The following SYNE2 variants were observed in gnomAD, a reference collection of about 807,000 sequenced individuals.
SYNE2 encodes spectrin repeat containing nuclear envelope protein 2.
A neutral mutation model predicts 856.3 loss-of-function variants in SYNE2; 431 were observed. That is an observed-to-expected ratio of 0.50 (90% CI 0.47 to 0.55). The LOEUF (loss-of-function observed/expected upper bound fraction) is 0.55. Among genes scored for constraint, SYNE2 ranks in the 20% least tolerant of loss-of-function variants. SYNE2 has a pLI of 0.00. For missense variants in SYNE2, 8,129 were observed against 8,023.2 expected (o/e 1.01, Z -0.50); for synonymous variants, 2,923 against 2,872.3 (o/e 1.02, Z -0.56).
chr14:63,961,378 T>C, intron 8 of SYNE2, 147 bp from the exon 9 acceptor site: 1 of 703,826 alleles, frequency 1.4e-6, no homozygotes, highest in South Asian at 1.5e-5. Context: ...CAAGGCTGAG[T>C]AAACAGAGAT....
chr14:64,088,952 T>C (rs1352237039), intron 58 of SYNE2, among the ~76,000 whole-genome samples: 2 of 152,242 alleles, frequency 1.3e-5, no homozygotes, highest in South Asian at 2.1e-4. Context: ...TATAATTCTA[T>C]ATACCTTCTT....
chr14:64,128,561 A>G lies in SYNE2; in HGVS notation c.14019+8A>G. The G allele has an allele frequency of 6.4e-7, 1 of 1,552,450 alleles. No individual in the cohort carries two copies. The highest frequency in any genetic ancestry group is 8.9e-7 in the Non-Finnish European group (1 of 1,123,932). Reference sequence around the variant, plus strand: ...GTTGCTGAACAGCTTCAGGTAATCAAGTCAAAATAATTCAGACTGACTTAA... The same window carrying G: ...GTTGCTGAACAGCTTCAGGTAATCAGGTCAAAATAATTCAGACTGACTTAA... On this transcript the variant is annotated splice_region_variant and intron_variant, in intron 74 of 115. Transcript: ENST00000555002.
intron 66 of SYNE2, among the ~76,000 whole-genome samples, chr14:64,117,896 G>T (rs951828854): frequency 3.9e-5 from 6 of 152,180 alleles, no homozygotes; most frequent in African/African-American, 1.4e-4. Context: ...GAGCAGGATG[G>T]TGTGCAATTT....
Position 64,053,422 on chromosome 14 carries a change from C to A in SYNE2, c.9509C>A (p.Ser3170Tyr), listed in dbSNP as rs2097242371. ...TTACATGTTTTAAATCAGATAAAAT[C>A]TCAATTACAGCAGCCATTACTTATA... ...TSLHVLNQIKSQLQQPLLINL... is the reference protein window; with the variant it reads ...TSLHVLNQIKYQLQQPLLINL... Residue 3170 changes from serine (S) to tyrosine (Y), a missense_variant, in exon 48 of 116, where the codon TCT (serine) becomes TAT (tyrosine). Ser to Tyr is a moderately radical substitution (Grantham distance 144, BLOSUM62 -2). Around this residue, in one of 3 missense-constraint regions of SYNE2, gnomAD observed 5,410 missense variants for 5,284.8 expected, o/e 1.02. Transcript: ENST00000555002. The A allele has an allele frequency of 6.8e-6, 11 of 1,612,872 alleles. No homozygotes were observed. Among genetic ancestry groups the A allele is most frequent in the Non-Finnish European group, 9.3e-6 (11 of 1,179,794 alleles).
rs143578863 is a variant in SYNE2, at chr14:64,017,617, A to G, written c.4910A>G (p.Tyr1637Cys). ...TAGATAAATGAGAAGACAGAAGATT[A>G]CTATGAAAATCTTGGTCGAGCTCTA... is the stretch of plus-strand genomic sequence containing the variant. ...WLDINEKTED[Y>C]YENLGRALAL... is the part of the protein sequence containing the mutation. Residue 1637 changes from tyrosine to cysteine, a missense_variant, in exon 34 of 116, where the codon TAC (tyrosine) becomes TGC (cysteine). Physicochemically the swap from Tyr to Cys is radical, Grantham distance 194. This residue lies in a region of SYNE2 where 2,422 missense variants were observed against 2,357.4 expected (regional missense o/e 1.03). Transcript: ENST00000555002. The G allele has an allele frequency of 3.3e-4, 530 of 1,612,528 alleles. 4 individuals are homozygous for G. In the Middle Eastern group the frequency reaches 0.011, roughly 33 times the overall value.
chr14:64,115,454 C>T (rs1216633697), intron 66 of SYNE2, among the ~76,000 whole-genome samples: 1 of 152,098 alleles, frequency 6.6e-6, no homozygotes, highest in African/African-American at 2.4e-5. Flanking sequence ...TGTCTCAGCA[C>T]AGTGGAGGGT....
chr14:64,134,999 CA>C (rs1159123972), intron 78 of SYNE2, among the ~76,000 whole-genome samples: 1 of 133,680 alleles, frequency 7.5e-6, no homozygotes, highest in Non-Finnish European at 1.5e-5. Flanking sequence ...AACAAAAAAA[CA>C]AAAACCCTCA....
chr14:63,958,414 A>T (rs1232758493), intron 8 of SYNE2, among the ~76,000 whole-genome samples: 1 of 152,168 alleles, frequency 6.6e-6, no homozygotes, highest in African/African-American at 2.4e-5. Flanking sequence ...ATTTTGTAGG[A>T]TGCCCCTTTA....
chr14:64,157,632 A>G (rs117782140), intron 85 of SYNE2, among the ~76,000 whole-genome samples: 3,010 of 152,202 alleles, frequency 0.02, 55 homozygotes, highest in Non-Finnish European at 0.032. Flanking sequence ...TGGCAACTCT[A>G]TTTAATTTTT....
intron 30 of SYNE2, among the ~76,000 whole-genome samples, chr14:64,004,971 G>A (rs546307763): frequency 2.6e-5 from 4 of 152,294 alleles, no homozygotes; most frequent in African/African-American, 9.6e-5. Flanking sequence ...TGAGAAGGTG[G>A]CCTTGGCATC....
intron 78 of SYNE2, among the ~76,000 whole-genome samples, chr14:64,137,424 T>C (rs1464286700): frequency 6.6e-6 from 1 of 152,134 alleles, no homozygotes; most frequent in African/African-American, 2.4e-5. Flanking sequence ...TAATTTTTTG[T>C]ATTTTTAGTA....
At chr14:64,100,043 C>G (rs572164678) in intron 63 of SYNE2, 44 of 151,920 alleles carry the variant, frequency 2.9e-4, no homozygotes, top group African/African-American at 1.1e-3. Context: ...ATGTTTACTG[C>G]GGCATTATTC....
intron 1 of SYNE2, among the ~76,000 whole-genome samples, chr14:63,856,051 G>A (rs989535731): frequency 6.6e-6 from 1 of 152,128 alleles, no homozygotes; most frequent in Non-Finnish European, 1.5e-5. Context: ...AAGAAGATCC[G>A]GCCGAGAGAT....
At chr14:63,871,681 A>G (rs1369666869) in intron 1 of SYNE2, among the ~76,000 whole-genome samples, 9 of 148,954 alleles carry the variant, frequency 6.0e-5, no homozygotes, top group African/African-American at 2.2e-4. Flanking sequence ...TTTTGTAGAG[A>G]TGGGGTTTCG....
chr14:64,108,094 A>G (rs1221370762), intron 65 of SYNE2, among the ~76,000 whole-genome samples: 2 of 152,238 alleles, frequency 1.3e-5, no homozygotes, highest in African/African-American at 2.4e-5. Context: ...CAAGCCTATA[A>G]TCACAGCACT....
intron 1 of SYNE2, among the ~76,000 whole-genome samples, chr14:63,803,222 G>T (rs1031474928): frequency 1.3e-5 from 2 of 152,230 alleles, no homozygotes; most frequent in Non-Finnish European, 2.9e-5. Flanking sequence ...CCCCCACCGG[G>T]GCTGCAGGTG....
At chr14:63,995,515 C>T (rs1451964277) in intron 23 of SYNE2, among the ~76,000 whole-genome samples, 1 of 152,158 alleles carries the variant, frequency 6.6e-6, no homozygotes, top group African/African-American at 2.4e-5. Context: ...TTTGTCAGGA[C>T]ACAGTGTCCT....
At chr14:64,210,179 G>A (rs941430281) in intron 103 of SYNE2, 55 bp downstream of exon 103, 17 of 1,582,570 alleles carry the variant, frequency 1.1e-5, no homozygotes, top group South Asian at 3.4e-5. Context: ...CATAACGCAC[G>A]ATACGCAATG....
At chr14:63,810,080 C>T (rs1186574375) in intron 1 of SYNE2, among the ~76,000 whole-genome samples, 2 of 152,060 alleles carry the variant, frequency 1.3e-5, no homozygotes, top group Admixed American at 1.3e-4. Context: ...TTAAAACTAG[C>T]CAGGTGGGAT....
Sources: gnomAD v4.1 joint callset for allele counts (sites outside exome capture counted in the v4.1 genomes callset) on GRCh38, gnomAD v4.1.1 for gene constraint, gnomAD v4.1.1 regional missense constraint, MANE v1.5 for transcripts, NCBI Gene and HGNC (gene_info 2026-07-23, HGNC 2026-07-21) for gene names.